Variants in ZNF423 observed in about 807,000 individuals in gnomAD.
ZNF423 encodes the protein zinc finger protein 423.
In ZNF423, 12 loss-of-function variants were observed where a neutral mutation model predicts 95.8. The ratio of observed to expected loss-of-function variants is 0.13; its 90% CI spans 0.08 to 0.20. ZNF423 has a LOEUF of 0.20. Among genes scored for constraint, ZNF423 ranks in the 10% least tolerant of loss-of-function variants. The pLI, the probability that ZNF423 is intolerant of heterozygous loss-of-function variation, is 1.00. For missense variants in ZNF423, 1,316 were observed against 1,737.1 expected, an observed-to-expected ratio of 0.76 and a Z score of 4.31; for synonymous variants, 749 against 711.9, an observed-to-expected ratio of 1.05 and a Z score of -0.83.
chr16:49,568,896 G>C (rs1970274966), intron 5 of ZNF423, among the ~76,000 whole-genome samples: 1 of 152,066 alleles, frequency 6.6e-6, no homozygotes, highest in Non-Finnish European at 1.5e-5. Flanking sequence ...GCTCCCCAAA[G>C]CTGGTCCCAG....
intron 4 of ZNF423, among the ~76,000 whole-genome samples, chr16:49,630,669 C>T (rs537805794): frequency 6.6e-6 from 1 of 152,222 alleles, no homozygotes; most frequent in Admixed American, 6.5e-5. Flanking sequence ...AGGGAACAGT[C>T]CATGATCACA....
chr16:49,731,099 C>T (rs1307562998), intron 2 of ZNF423, 128 bp from the exon 3 acceptor site: 1 of 1,068,818 alleles, frequency 9.4e-7, no homozygotes, highest in Non-Finnish European at 1.4e-6. Flanking sequence ...ATCCTTGACA[C>T]CTCTCAGTAT....
intron 2 of ZNF423, among the ~76,000 whole-genome samples, chr16:49,786,086 TAGC>T (rs1453570088): frequency 7.2e-5 from 11 of 152,168 alleles, no homozygotes; most frequent in Admixed American, 2.6e-4. Context: ...GGCTCACCAT[TAGC>T]AGCCCCATTC....
chr16:49,605,143 C>T (rs777584167), intron 5 of ZNF423, among the ~76,000 whole-genome samples: 41 of 152,066 alleles, frequency 2.7e-4, no homozygotes, highest in Non-Finnish European at 5.4e-4. Flanking sequence ...TCCCAGGTTC[C>T]CACCGAGCTC....
chr16:49,734,749 T>TC (rs2033246812), intron 2 of ZNF423, among the ~76,000 whole-genome samples: 1 of 152,156 alleles, frequency 6.6e-6, no homozygotes, highest in Admixed American at 6.5e-5. Flanking sequence ...ATTCCCTACC[T>TC]CCCAGAGCTC....
chr16:49,743,830 A>G (rs553591245), intron 2 of ZNF423, among the ~76,000 whole-genome samples: 1 of 152,272 alleles, frequency 6.6e-6, no homozygotes, highest in African/African-American at 2.4e-5. Context: ...TTTAAAAATT[A>G]ACCAGTTGCC....
intron 1 of ZNF423, among the ~76,000 whole-genome samples, chr16:49,800,599 C>CAT (rs56148408): frequency 3.3e-5 from 5 of 151,996 alleles, no homozygotes; most frequent in Non-Finnish European, 5.9e-5. Context: ...CACACACACA[C>CAT]TCCTGCGCAC....
intron 5 of ZNF423, among the ~76,000 whole-genome samples, chr16:49,555,800 T>A (rs145307970): frequency 1.6e-4 from 24 of 152,156 alleles, no homozygotes; most frequent in Non-Finnish European, 2.6e-4. Context: ...GATGGACAGA[T>A]GAAATGAAGA....
intron 2 of ZNF423, among the ~76,000 whole-genome samples, chr16:49,775,042 C>T (rs2034097931): frequency 6.6e-6 from 1 of 152,204 alleles, no homozygotes; most frequent in African/African-American, 2.4e-5. Flanking sequence ...CCAGACGCAG[C>T]CCAGCAAAGG....
intron 3 of ZNF423, chr16:49,664,017 A>T (rs751024890): frequency 5.4e-5 from 52 of 960,084 alleles, no homozygotes; most frequent in Non-Finnish European, 6.3e-5. Context: ...CGGTGCAGAC[A>T]CCAGCCTGTT....
chr16:49,628,530 C>T (rs969547357), intron 4 of ZNF423, among the ~76,000 whole-genome samples: 2 of 142,292 alleles, frequency 1.4e-5, no homozygotes, highest in African/African-American at 5.6e-5. Context: ...TCCATCCATC[C>T]ATCTATCCAT....
At chr16:49,809,397 T>A (rs919076478) in intron 1 of ZNF423, among the ~76,000 whole-genome samples, 4 of 152,154 alleles carry the variant, frequency 2.6e-5, no homozygotes, top group African/African-American at 7.2e-5. Context: ...TCACCCACAC[T>A]GCTATGCTCC....
chr16:49,575,498 A>G (rs1017961541), intron 5 of ZNF423, among the ~76,000 whole-genome samples: 1 of 152,122 alleles, frequency 6.6e-6, no homozygotes, highest in Non-Finnish European at 1.5e-5. Flanking sequence ...CCGGGCTGTG[A>G]GCTAAGTGCA....
At chr16:49,643,856 G>A (rs1452484238) in intron 3 of ZNF423, among the ~76,000 whole-genome samples, 1 of 152,134 alleles carries the variant, frequency 6.6e-6, no homozygotes, top group Non-Finnish European at 1.5e-5. Flanking sequence ...CAATTAAGTT[G>A]AAAAAAGAAC....
At chr16:49,611,427 ATTT>A (rs1437214270) in intron 5 of ZNF423, among the ~76,000 whole-genome samples, 1 of 152,070 alleles carries the variant, frequency 6.6e-6, no homozygotes, top group Non-Finnish European at 1.5e-5. Flanking sequence ...GCTCATGGGA[ATTT>A]TTTAATACAC....
At chr16:49,822,365 G>A (rs2034955058) in intron 1 of ZNF423, among the ~76,000 whole-genome samples, 1 of 152,002 alleles carries the variant, frequency 6.6e-6, no homozygotes, top group South Asian at 2.1e-4. Context: ...GTAGAGACAG[G>A]GAGTCATCAT....
chr16:49,551,082 C>T (rs1044333302), intron 5 of ZNF423, among the ~76,000 whole-genome samples: 2 of 152,252 alleles, frequency 1.3e-5, no homozygotes, highest in Non-Finnish European at 2.9e-5. Context: ...AACAGAAGAG[C>T]TATCTCTATG....
chr16:49,841,009 C>T (rs1351887573), intron 1 of ZNF423, among the ~76,000 whole-genome samples: 1 of 152,210 alleles, frequency 6.6e-6, no homozygotes, highest in African/African-American at 2.4e-5. Flanking sequence ...CTAAAAAGGG[C>T]AGGGTTGCCC....
Position 49,845,151 on chromosome 16 carries a change from T to C in ZNF423, c.40+10584A>G, listed in dbSNP as rs1425960317. 2.0e-5 allele frequency among the ~76,000 whole-genome samples: 3 copies of C among 152,110 alleles called. No individual in the cohort carries two copies. In the East Asian group the frequency reaches 5.8e-4, roughly 29 times the overall value. On this transcript the variant is annotated intron_variant, in intron 1 of 7. Coordinates refer to ENST00000563137, the MANE Select transcript of ZNF423 (RefSeq NM_001379286.1). ...TTTGGGGTTTTTTGTTTGTTTGTTT[T>C]TGTTTTAAGATGGAGTCTTGCTCTG...
Sources: allele counts gnomAD v4.1 joint callset (sites outside exome capture counted in the v4.1 genomes callset), GRCh38; gene constraint gnomAD v4.1.1; transcripts MANE v1.5; gene names NCBI Gene and HGNC (gene_info 2026-07-23, HGNC 2026-07-21).